F8: variants seen among roughly 807,000 people sequenced by gnomAD.
F8 encodes coagulation factor VIII.
A neutral mutation model predicts 140.6 loss-of-function variants in F8; 12 were observed. The observed-to-expected ratio is 0.09, with a 90% CI of 0.05 to 0.14. The LOEUF (loss-of-function observed/expected upper bound fraction) is 0.14. Among genes scored for constraint, F8 ranks in the 10% least tolerant of loss-of-function variants. F8 has a pLI of 1.00. For missense variants in F8, 1,354 were observed against 1,720.7 expected, an observed-to-expected ratio of 0.79 and a Z score of 3.77; for synonymous variants, 585 against 614.6, an observed-to-expected ratio of 0.95 and a Z score of 0.71.
intron 14 of F8, 152 bp downstream of exon 14, chrX:154,928,419 C>T: frequency 3.8e-6 from 2 of 523,003 alleles, no homozygotes; most frequent in Non-Finnish European, 3.2e-6. Flanking sequence ...ATTCCTCTAC[C>T]CTCTTGTAAA....
intron 2 of F8, among the ~76,000 whole-genome samples, chrX:154,997,900 G>T (rs2073626215): frequency 8.9e-6 from 1 of 112,002 alleles, no homozygotes; most frequent in Admixed American, 9.4e-5. Flanking sequence ...CTATGATTTT[G>T]GCTTGTGCAA....
intron 23 of F8, among the ~76,000 whole-genome samples, 171 bp from the exon 24 acceptor site, chrX:154,862,037 G>GT (rs1166613821): frequency 9.0e-6 from 1 of 110,749 alleles, no homozygotes; most frequent in Non-Finnish European, 1.9e-5. Flanking sequence ...TTTTGTTTTT[G>GT]TTTTTTTGAG....
Position 154,931,127 on chromosome X carries a change from G to C in F8, c.2663C>G (p.Thr888Arg). Reference protein sequence around the residue: ...LNEKLGTTAATELKKLDFKVS... With the variant: ...LNEKLGTTAARELKKLDFKVS... Reference sequence around the variant, plus strand: ...TTTGAAATCAAGTTTCTTCAACTCTGTTGCTGCAGTTGTCCCCAGTTTCTC... The same window carrying C: ...TTTGAAATCAAGTTTCTTCAACTCTCTTGCTGCAGTTGTCCCCAGTTTCTC... Residue 888 changes from threonine to arginine, a missense_variant, in exon 14 of 26, where the codon ACA becomes AGA. By Grantham distance (71) the Thr-to-Arg change is moderately conservative. Coordinates refer to ENST00000360256, the MANE Select transcript of F8 (RefSeq NM_000132.4). The C allele has an allele frequency of 8.3e-7, 1 of 1,210,544 alleles. No homozygotes were observed. Among genetic ancestry groups the C allele is most frequent in the Non-Finnish European group, 1.1e-6 (1 of 895,036 alleles).
intron 4 of F8, among the ~76,000 whole-genome samples, chrX:154,991,256 C>T (rs781854051): frequency 6.0e-4 from 67 of 112,048 alleles, no homozygotes; most frequent in African/African-American, 2.0e-3. Context: ...CTCCTTGAAA[C>T]CCCAGAGGGT....
intron 1 of F8, among the ~76,000 whole-genome samples, chrX:155,003,729 C>T (rs1376463401): frequency 4.5e-5 from 5 of 110,704 alleles, no homozygotes; most frequent in Admixed American, 2.9e-4. Flanking sequence ...GAGGCCGAGG[C>T]GGGCAGATCA....
chrX:154,973,875 C>G (rs1356347098), intron 6 of F8, among the ~76,000 whole-genome samples: 1 of 111,867 alleles, frequency 8.9e-6, no homozygotes, highest in Non-Finnish European at 1.9e-5. Context: ...TGGCTCACCA[C>G]AAGCTCCGCC....
At chrX:154,916,038 C>T (rs1367351291) in intron 14 of F8, among the ~76,000 whole-genome samples, 1 of 111,949 alleles carries the variant, frequency 8.9e-6, no homozygotes, top group Non-Finnish European at 1.9e-5. Flanking sequence ...TTATTCAATG[C>T]TTTCTTGACA....
intron 14 of F8, among the ~76,000 whole-genome samples, chrX:154,908,412 A>T (rs1172981136): frequency 3.6e-5 from 4 of 112,426 alleles, no homozygotes; most frequent in African/African-American, 1.3e-4. Flanking sequence ...TTCAAGAAGG[A>T]CTTGGCTATT....
At position 154,930,973 on chromosome X, in the gene F8, A is replaced by G; in HGVS notation, c.2817T>C (p.Thr939=). Residue 939 remains threonine, a synonymous_variant, in exon 14 of 26, where the codon ACT becomes ACC. Transcript: ENST00000360256. The stretch of plus-strand genomic sequence containing the variant: ...GGGGAGATGACTTTTTGCCAAATAG[A>G]GTGGTATCTAATTGACTATCATAAT... ...PVHYDSQLDT[T]LFGKKSSPLT... 1 of 1,194,586 alleles carries G rather than the reference A, an allele frequency of 8.4e-7. No individual in the cohort carries two copies. The highest frequency in any genetic ancestry group is 1.1e-6 in the Non-Finnish European group (1 of 887,560).
chrX:154,947,085 T>C (rs2073309247), intron 13 of F8, among the ~76,000 whole-genome samples: 1 of 107,737 alleles, frequency 9.3e-6, no homozygotes, highest in Non-Finnish European at 1.9e-5. Context: ...ATTAGCTGGG[T>C]GTGGTGGCGG....
In F8 at chrX:154,912,417, T is replaced by C. The variant is rs2073073266; in HGVS notation, c.5220-5844A>G. On this transcript the variant is annotated intron_variant, in intron 14 of 25. Transcript: ENST00000360256. ...AGGGGTTTAGTTTAATTCTTCTGCA[T>C]GTGGATATCCAGTTTTCCCAACATC... Among the ~76,000 whole-genome samples, 3 of 112,657 alleles carry C rather than the reference T, an allele frequency of 2.7e-5. No homozygotes were observed. In the South Asian group the frequency reaches 1.1e-3, roughly 41 times the overall value.
In F8 at chrX:154,920,132, A is replaced by G. The variant is rs184020658; in HGVS notation, c.5219+8439T>C. 4.9e-5 allele frequency: 7 copies of G among 142,064 alleles called. No individual in the cohort carries two copies. In the East Asian group the frequency reaches 1.0e-3, roughly 21 times the overall value. 11.7% of individuals were successfully genotyped at this position (142,064 alleles called of 1,213,427 possible). Reference sequence around the variant, plus strand: ...CCAAGTAATTAATCAGTCCCTTAAGATCTGAAAGATATTCTATATCAGTAA... The same window carrying G: ...CCAAGTAATTAATCAGTCCCTTAAGGTCTGAAAGATATTCTATATCAGTAA... On this transcript the variant is annotated intron_variant, in intron 14 of 25. Coordinates refer to ENST00000360256, the MANE Select transcript of F8 (RefSeq NM_000132.4).
intron 10 of F8, among the ~76,000 whole-genome samples, chrX:154,958,101 T>G (rs1211024308): frequency 9.0e-6 from 1 of 110,979 alleles, no homozygotes; most frequent in Non-Finnish European, 1.9e-5. Context: ...GCCCAAATGC[T>G]GGTCTTTTCA....
At position 154,914,763 on chromosome X, in the gene F8, C is replaced by T. The variant is rs936726176; in HGVS notation, c.5220-8190G>A. On this transcript the variant is annotated intron_variant, in intron 14 of 25. Coordinates refer to ENST00000360256, the MANE Select transcript of F8 (RefSeq NM_000132.4). ...CTTTCCCAGATTTTCCTGTCTTCTT[C>T]TGAGCCCTCCAGGTCTCTAGGAAGT... Among the ~76,000 whole-genome samples the T allele has an allele frequency of 2.7e-5, 3 of 112,019 alleles. No homozygotes were observed. In the Admixed American group the frequency reaches 2.8e-4, roughly 11 times the overall value.
Position 154,966,551 on chromosome X carries a change from G to A in F8, c.1146C>T (p.Asp382=), listed in dbSNP as rs1557282026. The A allele has an allele frequency of 8.3e-7, 1 of 1,211,563 alleles. No homozygotes were observed. Among genetic ancestry groups the A allele is most frequent in the Admixed American group, 2.2e-5 (1 of 45,993 alleles). ...SEMDVVRFDD[D]NSPSFIQIRS... ...GAATTTGGATAAAGGAAGGAGAGTT[G>A]TCATCATCAAACCTGACCACATCCA... The change falls in exon 8 of 26, where the codon GAC becomes GAT. Residue 382 remains aspartate (D), a synonymous_variant. Transcript: ENST00000360256.
At chrX:155,014,292 A>C (rs782245309) in intron 1 of F8, among the ~76,000 whole-genome samples, 9 of 112,253 alleles carry the variant, frequency 8.0e-5, no homozygotes, top group Non-Finnish European at 1.5e-4. Context: ...CAATTTGACA[A>C]AGGGCATCTA....
Position 155,022,674 on chromosome X carries a change from T to C in F8, c.-122A>G, listed in dbSNP as rs782289877. The C allele has an allele frequency of 2.6e-6, 3 of 1,164,241 alleles. No individual in the cohort carries two copies. Among genetic ancestry groups the C allele is most frequent in the South Asian group, 1.9e-5 (1 of 51,833 alleles). ...ATTTAATGAAAAGTCCCAATTTCTT[T>C]GCAGAGCATTTTAAGGAACTTTACC... On this transcript the variant is annotated 5_prime_UTR_variant, in exon 1 of 26. Coordinates refer to ENST00000360256, the MANE Select transcript of F8 (RefSeq NM_000132.4).
intron 25 of F8, among the ~76,000 whole-genome samples, chrX:154,838,308 T>G (rs1557271103): frequency 9.0e-6 from 1 of 111,620 alleles, no homozygotes; most frequent in Non-Finnish European, 1.9e-5. Flanking sequence ...ACCTTGCTAC[T>G]CCAGGACTTT....
At chrX:155,013,692 C>T (rs1557286830) in intron 1 of F8, among the ~76,000 whole-genome samples, 1 of 111,840 alleles carries the variant, frequency 8.9e-6, no homozygotes, top group Non-Finnish European at 1.9e-5. Context: ...CCAGGGCTGC[C>T]ATAACAAAAT....
Sources: gnomAD v4.1 joint callset for allele counts (sites outside exome capture counted in the v4.1 genomes callset) on GRCh38, gnomAD v4.1.1 for gene constraint, MANE v1.5 for transcripts, NCBI Gene and HGNC (gene_info 2026-07-23, HGNC 2026-07-21) for gene names.